PDE1A: variants seen among roughly 807,000 people sequenced by gnomAD.
The protein encoded by PDE1A is dual specificity calcium/calmodulin-dependent 3',5'-cyclic nucleotide phosphodiesterase 1A.
In PDE1A, 35 loss-of-function variants were observed where a neutral mutation model predicts 61.7. The ratio of observed to expected loss-of-function variants is 0.57; its 90% confidence interval spans 0.43 to 0.75. The LOEUF is 0.75. Among genes scored for constraint, PDE1A ranks in the 30% least tolerant of loss-of-function variants. The probability of loss-of-function intolerance (pLI) is 0.00; values close to 1 mark genes in which losing one functional copy is unlikely to be tolerated. For missense variants in PDE1A, 597 were observed against 630.6 expected (o/e 0.95, Z 0.57); for synonymous variants, 232 against 213.2 (o/e 1.09, Z -0.77).
the PDE1A span, among the ~76,000 whole-genome samples, chr2:182,548,724 G>T: frequency 2.0e-5 from 3 of 152,054 alleles, no homozygotes; most frequent in Non-Finnish European, 4.4e-5. Flanking sequence ...TAATTCCCTA[G>T]TTCATGCAAC....
At chr2:182,584,022 C>T in the PDE1A span, among the ~76,000 whole-genome samples, 2 of 152,306 alleles carry the variant, frequency 1.3e-5, no homozygotes, top group Non-Finnish European at 2.9e-5. Context: ...AGAGATATTA[C>T]GTGATCTCAT....
rs1690614148 is a variant in PDE1A at position 182,522,245 on chromosome 2, G to C, written c.101+31C>G. 4 of 1,562,680 alleles carry C rather than the reference G, an allele frequency of 2.6e-6. No individual in the cohort carries two copies. The South Asian group carries it at 3.3e-5, about 13-fold the overall frequency. ...GTCACGTTAATAGTCAAATCTTTTG[G>C]GGGGAAATAAAAAGCAAAGAGCATA... is the stretch of plus-strand genomic sequence containing the variant. On this transcript the variant is annotated intron_variant, in intron 2 of 14. Transcript: ENST00000410103.
At chr2:182,219,760 A>G (rs1688562614) in intron 7 of PDE1A, among the ~76,000 whole-genome samples, 1 of 152,046 alleles carries the variant, frequency 6.6e-6, no homozygotes, top group African/African-American at 2.4e-5. Flanking sequence ...AGACAAGGAC[A>G]AAATAAAAAA....
chr2:182,214,484 G>A (rs1233249000), intron 7 of PDE1A, among the ~76,000 whole-genome samples: 4 of 152,118 alleles, frequency 2.6e-5, no homozygotes, highest in South Asian at 2.1e-4. Flanking sequence ...TGGATAAAGA[G>A]TCAAGACCCA....
In PDE1A at chr2:182,190,239, CAGG is replaced by C. The variant is rs1685576332; in HGVS notation, c.1126-1182_1126-1180del. On this transcript the variant is annotated intron_variant, in intron 10 of 13. Transcript: ENST00000351439. ...AAAGAAGTAGGAAAATAGTTACAAA[CAGG>C]AACATTTCACTATGTCATAACTCAG... is the stretch of plus-strand genomic sequence containing the variant. 1.3e-5 allele frequency among the ~76,000 whole-genome samples: 2 copies of C among 152,116 alleles called. 1 individual carries two copies. Among genetic ancestry groups the C allele is most frequent in the Admixed American group, 1.3e-4 (2 of 15,272 alleles).
chr2:182,713,914 A>G, the PDE1A span, among the ~76,000 whole-genome samples: 9 of 152,156 alleles, frequency 5.9e-5, no homozygotes, highest in Admixed American at 5.9e-4. Flanking sequence ...GTCTACTACA[A>G]TCTAACTTCC....
intron 2 of PDE1A, among the ~76,000 whole-genome samples, chr2:182,481,884 T>C (rs1381005254): frequency 1.3e-5 from 2 of 151,918 alleles, no homozygotes; most frequent in East Asian, 3.9e-4. Flanking sequence ...ATAAGAGCAT[T>C]GACTTTAGAA....
chr2:182,258,956 A>C (rs1246486166), intron 2 of PDE1A, among the ~76,000 whole-genome samples: 1 of 152,170 alleles, frequency 6.6e-6, no homozygotes, highest in East Asian at 1.9e-4. Flanking sequence ...ACCCAGTTCT[A>C]GCCACCAGCT....
chr2:182,194,703 G>A (rs528123379), intron 10 of PDE1A, among the ~76,000 whole-genome samples: 11 of 152,124 alleles, frequency 7.2e-5, no homozygotes, highest in Non-Finnish European at 8.8e-5. Context: ...ATGGGATAAC[G>A]TTGATGGGAT....
At chr2:182,223,304 C>G (rs1008737484) in intron 7 of PDE1A, among the ~76,000 whole-genome samples, 5 of 151,942 alleles carry the variant, frequency 3.3e-5, no homozygotes, top group African/African-American at 1.2e-4. Context: ...GTTGTTTAAG[C>G]CACCCATTCT....
intron 2 of PDE1A, among the ~76,000 whole-genome samples, chr2:182,433,542 A>C (rs1314330175): frequency 6.6e-6 from 1 of 152,106 alleles, no homozygotes; most frequent in Non-Finnish European, 1.5e-5. Flanking sequence ...TGGTGTGAAC[A>C]AAGTCTGGCT....
intron 13 of PDE1A, among the ~76,000 whole-genome samples, chr2:182,162,024 A>G (rs1691407749): frequency 6.6e-6 from 1 of 152,120 alleles, no homozygotes. Context: ...AATTGGAATG[A>G]TACAGTGGAC....
intron 2 of PDE1A, among the ~76,000 whole-genome samples, chr2:182,255,162 C>A (rs1486327320): frequency 1.3e-5 from 2 of 152,184 alleles, no homozygotes; most frequent in Non-Finnish European, 2.9e-5. Context: ...GACCTGCTGA[C>A]AGACATCATT....
intron 7 of PDE1A, among the ~76,000 whole-genome samples, chr2:182,220,079 T>C (rs1319370273): frequency 6.6e-6 from 1 of 152,078 alleles, no homozygotes; most frequent in Non-Finnish European, 1.5e-5. Context: ...TTCTTTTTTT[T>C]TCTAGCACTA....
the PDE1A span, among the ~76,000 whole-genome samples, chr2:182,714,412 A>T: frequency 2.0e-5 from 3 of 152,174 alleles, no homozygotes; most frequent in Non-Finnish European, 4.4e-5. Flanking sequence ...CTAAGATATG[A>T]TCTAGGAACC....
the PDE1A span, among the ~76,000 whole-genome samples, chr2:182,666,539 C>T: frequency 6.6e-6 from 1 of 150,956 alleles, no homozygotes; most frequent in Non-Finnish European, 1.5e-5. Context: ...ACCCGGGAGG[C>T]AGAGGTTGCA....
the PDE1A span, among the ~76,000 whole-genome samples, chr2:182,633,277 G>A: frequency 6.6e-6 from 1 of 152,196 alleles, no homozygotes; most frequent in East Asian, 1.9e-4. Flanking sequence ...CTTTATCTGT[G>A]TAGTCAAATA....
chr2:182,512,310 A>G (rs934260), intron 2 of PDE1A, among the ~76,000 whole-genome samples: 131,084 of 152,130 alleles, frequency 0.86, 56,625 homozygotes, highest in East Asian at 0.99. Flanking sequence ...AGGCCCCAGT[A>G]TTAGAGCATG....
chr2:182,580,191 C>T, the PDE1A span, among the ~76,000 whole-genome samples: 1 of 152,252 alleles, frequency 6.6e-6, no homozygotes, highest in South Asian at 2.1e-4. Context: ...GACGTCCTAA[C>T]CCTCAGTACC....
Sources: gnomAD v4.1 joint callset for allele counts (sites outside exome capture counted in the v4.1 genomes callset) on GRCh38, gnomAD v4.1.1 for gene constraint, MANE v1.5 for transcripts, NCBI Gene and HGNC (gene_info 2026-07-23, HGNC 2026-07-21) for gene names.